GXYLT2: variants seen among roughly 807,000 people sequenced by gnomAD.
The protein encoded by GXYLT2 is glucoside xylosyltransferase 2, also known as glycosyltransferase 8 domain containing 4.
In GXYLT2, 53 loss-of-function variants were observed where a neutral mutation model predicts 45.8. The observed-to-expected ratio is 1.16, with a 90% CI of 0.93 to 1.46. The LOEUF is 1.46. Among genes scored for constraint, GXYLT2 ranks in the 40% most tolerant of loss-of-function variants. The probability of loss-of-function intolerance (pLI) is 0.00; values close to 1 mark genes in which losing one functional copy is unlikely to be tolerated. For synonymous variants in GXYLT2, 219 were observed against 214.2 expected (o/e 1.02, Z -0.19); for missense variants, 551 against 544.4 (o/e 1.01, Z -0.12).
At chr3:72,905,999 G>A (rs936963120) in intron 1 of GXYLT2, among the ~76,000 whole-genome samples, 7 of 152,160 alleles carry the variant, frequency 4.6e-5, no homozygotes, top group African/African-American at 1.7e-4. Flanking sequence ...CTAAGTGATT[G>A]CCTTTATGGT....
Position 72,957,274 on chromosome 3 carries a change from C to T in GXYLT2, c.898C>T (p.Pro300Ser), listed in dbSNP as rs1386064549. Residue 300 changes from proline to serine, a missense_variant, in exon 5 of 7, where the codon CCT (proline) becomes TCT (serine). Physicochemically the swap from Pro to Ser is moderately conservative, Grantham distance 74. Coordinates refer to ENST00000389617, the MANE Select transcript of GXYLT2 (RefSeq NM_001080393.2). ...CCTGGCTTGGGAGGACATGTTGTAC[C>T]CTCTGTACCAGAAGTACAAGAATGC... ...TGLAWEDMLY[P>S]LYQKYKNAIT... The T allele has an allele frequency of 5.6e-6, 9 of 1,612,050 alleles. No homozygotes were observed. The highest frequency in any genetic ancestry group is 6.8e-6 in the Non-Finnish European group (8 of 1,178,602).
At chr3:72,914,556 C>T (rs548287451) in intron 2 of GXYLT2, among the ~76,000 whole-genome samples, 75 of 151,836 alleles carry the variant, frequency 4.9e-4, no homozygotes, top group Non-Finnish European at 9.0e-4. Context: ...TGCGCGCGCG[C>T]GCTTGCGTGC....
rs565224294 is a variant in GXYLT2 at position 72,967,478 on chromosome 3, A to G, written c.977-69A>G. 330 of 1,183,476 alleles carry G rather than the reference A, an allele frequency of 2.8e-4. 4 individuals are homozygous for G. In the South Asian group the frequency reaches 4.3e-3, roughly 15 times the overall value. The allele number at this position is 1,183,476 out of a possible 1,614,324, so 73.3% of individuals were successfully genotyped here. On this transcript the variant is annotated intron_variant, in intron 5 of 6. Coordinates refer to ENST00000389617, the MANE Select transcript of GXYLT2 (RefSeq NM_001080393.2). ...GTGTACAGTTAGTGGAAACAGTTTA[A>G]TCGTGCCACATGTGCATGAGAGCTG...
In GXYLT2 at chr3:72,975,458, A is replaced by T. The variant is rs1108154; in HGVS notation, c.*299A>T. 141,432 of 238,874 alleles carry T rather than the reference A, an allele frequency of 0.59. 42,517 individuals carry two copies. Among genetic ancestry groups the T allele is most frequent in the Admixed American group, 0.66 (11,952 of 18,242 alleles). The allele number at this position is 238,874 out of a possible 1,614,324, so 14.8% of individuals were successfully genotyped here. A position where few individuals can be genotyped will look rare whatever the true frequency, so the allele number is the denominator to read the frequency against. ...AGCTTTTGTGAGCCTTCTAATTCCTAAACGTCTGAGACCATTTCAGTGGCA... is the reference window on the plus strand; with the variant it reads ...AGCTTTTGTGAGCCTTCTAATTCCTTAACGTCTGAGACCATTTCAGTGGCA... On this transcript the variant is annotated 3_prime_UTR_variant, in exon 7 of 7. Transcript: ENST00000389617.
chr3:72,948,641 A>G (rs990715293), intron 3 of GXYLT2, among the ~76,000 whole-genome samples: 4 of 152,172 alleles, frequency 2.6e-5, no homozygotes, highest in Non-Finnish European at 5.9e-5. Flanking sequence ...GATCGAGACC[A>G]TCCTGGCCAA....
chr3:72,919,481 A>G (rs1183976779), intron 2 of GXYLT2, among the ~76,000 whole-genome samples: 1 of 152,150 alleles, frequency 6.6e-6, no homozygotes, highest in Admixed American at 6.6e-5. Context: ...TGGGCTGGGC[A>G]CGGTGGCTCA....
At chr3:72,912,121 A>G (rs1559731161) in intron 2 of GXYLT2, among the ~76,000 whole-genome samples, 1 of 150,260 alleles carries the variant, frequency 6.7e-6, no homozygotes, top group Non-Finnish European at 1.5e-5. Flanking sequence ...AGAAGTTCTC[A>G]TGCCTCAGCC....
chr3:72,968,844 G>A (rs576638431), intron 6 of GXYLT2, among the ~76,000 whole-genome samples: 4 of 152,246 alleles, frequency 2.6e-5, no homozygotes, highest in African/African-American at 4.8e-5. Flanking sequence ...GGCGGATCAC[G>A]AGGTCAGGAG....
At chr3:72,908,597 TACAA>T in intron 2 of GXYLT2, 38 bp downstream of exon 2, 1 of 1,492,584 alleles carries the variant, frequency 6.7e-7, no homozygotes, top group Non-Finnish European at 9.2e-7. Context: ...GTTTACTAAG[TACAA>T]ACAGACTACA....
chr3:72,920,608 G>A (rs1158207143), intron 2 of GXYLT2, among the ~76,000 whole-genome samples: 2 of 151,932 alleles, frequency 1.3e-5, no homozygotes, highest in African/African-American at 4.8e-5. Context: ...AAATCTAAAA[G>A]TGTATTTTAA....
At chr3:72,945,393 T>C (rs4677212) in intron 3 of GXYLT2, among the ~76,000 whole-genome samples, 91,173 of 152,186 alleles carry the variant, frequency 0.6, 27,742 homozygotes, top group Admixed American at 0.66. Context: ...CTAGCATATA[T>C]TATGTCAGGC....
At chr3:72,900,479 A>G (rs989245311) in intron 1 of GXYLT2, among the ~76,000 whole-genome samples, 1 of 151,984 alleles carries the variant, frequency 6.6e-6, no homozygotes, top group Non-Finnish European at 1.5e-5. Context: ...AAATGGCACA[A>G]TCTCGGCTCA....
At chr3:72,965,171 TCA>T (rs1274027539) in intron 5 of GXYLT2, among the ~76,000 whole-genome samples, 1 of 152,196 alleles carries the variant, frequency 6.6e-6, no homozygotes, top group African/African-American at 2.4e-5. Context: ...AAGAGAAATG[TCA>T]CAGTGTGTTA....
rs374381710 is a variant in GXYLT2 at position 72,922,347 on chromosome 3, T to C, written c.600+12T>C. The C allele has an allele frequency of 3.6e-5, 58 of 1,609,002 alleles. No homozygotes were observed. In the South Asian group the frequency reaches 6.3e-4, roughly 18 times the overall value. ...GACTCTTTCTTCCGGTAGGAACACC[T>C]GTTTTTAATAAGTTGTAGCTTGCTC... is the stretch of plus-strand genomic sequence containing the variant. On this transcript the variant is annotated intron_variant, in intron 3 of 6. Transcript: ENST00000389617.
chr3:72,901,069 AC>A (rs2107068215), intron 1 of GXYLT2, among the ~76,000 whole-genome samples: 1 of 152,018 alleles, frequency 6.6e-6, no homozygotes, highest in Non-Finnish European at 1.5e-5. Flanking sequence ...TGGGCAGATC[AC>A]CTGAGGTCAG....
At position 72,974,970 on chromosome 3, in the gene GXYLT2, CT is replaced by C. The variant is rs768501048; in HGVS notation, c.1150-4del. 13 of 1,523,434 alleles carry C rather than the reference CT, an allele frequency of 8.5e-6. No homozygotes were observed. The highest frequency in any genetic ancestry group is 2.2e-5 in the Admixed American group (1 of 44,836). The allele number at this position is 1,523,434 out of a possible 1,614,324, so 94.4% of individuals were successfully genotyped here. ...ACTAAATAAACTTTTTTTTTGTCATCTTTCAGTTTCCCTTTCAAGACAATCT... is the reference window on the plus strand; with the variant it reads ...ACTAAATAAACTTTTTTTTTGTCATCTTCAGTTTCCCTTTCAAGACAATCT... On this transcript the variant is annotated splice_region_variant and splice_polypyrimidine_tract_variant and intron_variant, in intron 6 of 6. Transcript: ENST00000389617.
At chr3:72,911,955 G>C (rs905931138) in intron 2 of GXYLT2, among the ~76,000 whole-genome samples, 32 of 143,616 alleles carry the variant, frequency 2.2e-4, no homozygotes, top group African/African-American at 8.4e-4. Context: ...TATATAAGTT[G>C]GGTGTGTGTG....
At chr3:72,957,738 G>A (rs1448384926) in intron 5 of GXYLT2, among the ~76,000 whole-genome samples, 3 of 152,218 alleles carry the variant, frequency 2.0e-5, no homozygotes, top group African/African-American at 4.8e-5. Context: ...GATTCTCAGG[G>A]TCCTTGGAGT....
chr3:72,953,459 T>G (rs1275307567), intron 3 of GXYLT2, among the ~76,000 whole-genome samples: 1 of 152,044 alleles, frequency 6.6e-6, no homozygotes, highest in Non-Finnish European at 1.5e-5. Context: ...CTGGCTAATT[T>G]TTCTATTTTT....
Sources: allele counts gnomAD v4.1 joint callset (sites outside exome capture counted in the v4.1 genomes callset), GRCh38; gene constraint gnomAD v4.1.1; transcripts MANE v1.5; gene names NCBI Gene and HGNC (gene_info 2026-07-23, HGNC 2026-07-21).